The following XPR1 variants were observed in gnomAD, a reference collection of about 807,000 sequenced individuals.
XPR1 encodes the protein solute carrier family 53 member 1.
Under a neutral mutation model 87.5 loss-of-function variants are expected in XPR1, and 28 were observed. That is an observed-to-expected ratio of 0.32 (90% CI 0.24 to 0.44). XPR1 has a LOEUF of 0.44. Among genes scored for constraint, XPR1 ranks in the 20% least tolerant of loss-of-function variants. The probability of loss-of-function intolerance (pLI) is 1.00; values close to 1 mark genes in which losing one functional copy is unlikely to be tolerated. For missense variants in XPR1, 559 were observed against 862.3 expected (o/e 0.65, Z 4.41); for synonymous variants, 300 against 306.1 (o/e 0.98, Z 0.21).
rs532042793 is a variant in XPR1, at chr1:180,697,444, A to G, written c.121+15033A>G. On this transcript the variant is annotated intron_variant, in intron 2 of 14. Coordinates refer to ENST00000367590, the MANE Select transcript of XPR1 (RefSeq NM_004736.4). ...TTGTTTGTATATTTTTTTAGTCTCT[A>G]TTTTTGTTTATTTCTGCTCTGATCT... Among the ~76,000 whole-genome samples, 21 of 150,716 alleles carry G rather than the reference A, an allele frequency of 1.4e-4. No homozygotes were observed. The South Asian group carries it at 4.4e-3, about 32-fold the overall frequency.
chr1:180,787,774 A>G lies in XPR1; in HGVS notation c.143A>G (p.Lys48Arg). The change falls in exon 3 of 15, where the codon AAG becomes AGG. Residue 48 changes from lysine (K) to arginine (R), a missense_variant. By Grantham distance (26) the Lys-to-Arg change is conservative. This residue lies in a region of XPR1 where 159 missense variants were observed against 263.3 expected (regional missense o/e 0.60). Transcript: ENST00000367590. ...SVEVTDEDTV[K>R]RYFAKFEEKF... ...TCAGTTACAGATGAGGACACAGTAAAGAGGTATTTTGCCAAGTTTGAAGAG... is the reference window on the plus strand; with the variant it reads ...TCAGTTACAGATGAGGACACAGTAAGGAGGTATTTTGCCAAGTTTGAAGAG... The G allele has an allele frequency of 6.2e-7, 1 of 1,612,936 alleles. No individual in the cohort carries two copies. The highest frequency in any genetic ancestry group is 8.5e-7 in the Non-Finnish European group (1 of 1,179,574).
intron 11 of XPR1, among the ~76,000 whole-genome samples, chr1:180,862,556 C>T (rs1051137392): frequency 6.6e-6 from 1 of 152,070 alleles, no homozygotes; most frequent in Admixed American, 6.6e-5. Context: ...TCCCATTTGC[C>T]TTGGTGCTCT....
intron 9 of XPR1, among the ~76,000 whole-genome samples, chr1:180,832,867 A>G (rs962727564): frequency 6.6e-6 from 1 of 152,118 alleles, no homozygotes; most frequent in African/African-American, 2.4e-5. Context: ...TTCCATACGA[A>G]GTTTGAAGTA....
chr1:180,830,249 G>T (rs564441724), intron 9 of XPR1, among the ~76,000 whole-genome samples: 1 of 152,038 alleles, frequency 6.6e-6, no homozygotes, highest in African/African-American at 2.4e-5. Flanking sequence ...TTGCTTTATC[G>T]GGCGCTTATG....
At chr1:180,835,162 CTT>C in intron 10 of XPR1, 117 bp downstream of exon 10, 1 of 1,149,808 alleles carries the variant, frequency 8.7e-7, no homozygotes, top group Non-Finnish European at 1.2e-6. Flanking sequence ...ATATTATAAA[CTT>C]AATTTAATGT....
At chr1:180,718,156 T>C (rs1658060671) in intron 2 of XPR1, among the ~76,000 whole-genome samples, 1 of 152,176 alleles carries the variant, frequency 6.6e-6, no homozygotes, top group African/African-American at 2.4e-5. Flanking sequence ...AGACTGTCCT[T>C]TTCTGGAGTA....
intron 1 of XPR1, among the ~76,000 whole-genome samples, chr1:180,666,544 T>C (rs1655968360): frequency 6.6e-6 from 1 of 152,230 alleles, no homozygotes; most frequent in South Asian, 2.1e-4. Flanking sequence ...TTTTCGATGC[T>C]ATTGTTAAAT....
At chr1:180,658,595 G>A (rs567570670) in intron 1 of XPR1, among the ~76,000 whole-genome samples, 3 of 151,610 alleles carry the variant, frequency 2.0e-5, no homozygotes, top group Non-Finnish European at 2.9e-5. Context: ...ACGGAGTCTC[G>A]CCACTGTCTC....
chr1:180,732,126 G>A (rs1348576484), intron 2 of XPR1, among the ~76,000 whole-genome samples: 1 of 151,188 alleles, frequency 6.6e-6, no homozygotes, highest in Non-Finnish European at 1.5e-5. Flanking sequence ...TCTGGAGGCG[G>A]AGGTTGCAGT....
At chr1:180,681,489 A>G (rs1656576845) in intron 1 of XPR1, among the ~76,000 whole-genome samples, 1 of 152,140 alleles carries the variant, frequency 6.6e-6, no homozygotes, top group Non-Finnish European at 1.5e-5. Context: ...ACTAAGAAAT[A>G]CAAAAAATTA....
chr1:180,721,457 G>A (rs899179315), intron 2 of XPR1, among the ~76,000 whole-genome samples: 7 of 152,158 alleles, frequency 4.6e-5, no homozygotes, highest in African/African-American at 1.7e-4. Context: ...ATTAAAGTAA[G>A]TTTTGAGAAA....
At chr1:180,680,820 C>A (rs1162720795) in intron 1 of XPR1, among the ~76,000 whole-genome samples, 1 of 152,068 alleles carries the variant, frequency 6.6e-6, no homozygotes, top group Admixed American at 6.5e-5. Flanking sequence ...TGTCCAACAA[C>A]AAATGAATGG....
At chr1:180,637,836 G>A (rs540537570) in intron 1 of XPR1, among the ~76,000 whole-genome samples, 1 of 152,196 alleles carries the variant, frequency 6.6e-6, no homozygotes, top group Non-Finnish European at 1.5e-5. Context: ...TTACAGGCAT[G>A]AGCCACCACT....
At chr1:180,858,073 G>T (rs754463165) in intron 11 of XPR1, among the ~76,000 whole-genome samples, 1 of 151,998 alleles carries the variant, frequency 6.6e-6, no homozygotes, top group Non-Finnish European at 1.5e-5. Context: ...AAAATTAGCC[G>T]GGCGTGGTGG....
At chr1:180,789,552 C>T (rs1649300969) in intron 3 of XPR1, among the ~76,000 whole-genome samples, 2 of 152,052 alleles carry the variant, frequency 1.3e-5, no homozygotes, top group African/African-American at 4.8e-5. Context: ...TCATACATGT[C>T]TTAGAATTAT....
At chr1:180,652,861 G>C (rs938383494) in intron 1 of XPR1, among the ~76,000 whole-genome samples, 1 of 152,144 alleles carries the variant, frequency 6.6e-6, no homozygotes, top group Non-Finnish European at 1.5e-5. Flanking sequence ...TGTAGCATGC[G>C]TTTCGGAGCT....
At chr1:180,708,606 C>A (rs1232649334) in intron 2 of XPR1, among the ~76,000 whole-genome samples, 10 of 151,276 alleles carry the variant, frequency 6.6e-5, no homozygotes, top group Admixed American at 6.6e-4. Context: ...AACCTATATT[C>A]CTGGCATAAC....
intron 12 of XPR1, among the ~76,000 whole-genome samples, chr1:180,872,534 A>AGGGTGT (rs1652532533): frequency 1.5e-5 from 1 of 65,562 alleles, no homozygotes; most frequent in Non-Finnish European, 3.1e-5. Context: ...CCGTTTCTTA[A>AGGGTGT]GCCGGTCTGA....
intron 2 of XPR1, among the ~76,000 whole-genome samples, chr1:180,736,025 T>C (rs1235973714): frequency 6.6e-6 from 1 of 151,858 alleles, no homozygotes; most frequent in Admixed American, 6.6e-5. Flanking sequence ...CCTCATGGAG[T>C]CTATAACCTC....
Sources: allele counts gnomAD v4.1 joint callset (sites outside exome capture counted in the v4.1 genomes callset), GRCh38; gene constraint gnomAD v4.1.1; regional missense constraint gnomAD v4.1.1; transcripts MANE v1.5; gene names NCBI Gene and HGNC (gene_info 2026-07-23, HGNC 2026-07-21).